LMTK2: variants seen among roughly 807,000 people sequenced by gnomAD.
LMTK2 encodes lemur tail kinase 2.
LMTK2 carries 37 observed loss-of-function variants against 127.5 expected under a neutral mutation model. The ratio of observed to expected loss-of-function variants is 0.29; its 90% CI spans 0.22 to 0.38. LMTK2 has a LOEUF of 0.38. Ranked by LOEUF, LMTK2 falls within the 10% of genes least tolerant of loss-of-function variation. The pLI is 1.00. For missense variants in LMTK2, 1,694 were observed against 1,920.3 expected (o/e 0.88, Z 2.20); for synonymous variants, 819 against 810.1 (o/e 1.01, Z -0.19).
intron 9 of LMTK2, among the ~76,000 whole-genome samples, 179 bp from the exon 10 acceptor site, chr7:98,190,549 T>C (rs1372193799): frequency 6.6e-6 from 1 of 152,164 alleles, no homozygotes; most frequent in East Asian, 1.9e-4. Flanking sequence ...ACCATTGCAC[T>C]CCAGCCTGGG....
At chr7:98,145,466 T>C (rs1458651927) in intron 3 of LMTK2, among the ~76,000 whole-genome samples, 1 of 152,184 alleles carries the variant, frequency 6.6e-6, no homozygotes, top group Non-Finnish European at 1.5e-5. Flanking sequence ...TTTTAAAAAA[T>C]ATTTTAAGCT....
At chr7:98,148,755 G>C (rs1003822711) in intron 3 of LMTK2, among the ~76,000 whole-genome samples, 3 of 152,178 alleles carry the variant, frequency 2.0e-5, no homozygotes, top group African/African-American at 4.8e-5. Context: ...TGACTCTGCT[G>C]GGGCACTCCT....
At chr7:98,111,401 T>C (rs959211840) in intron 1 of LMTK2, among the ~76,000 whole-genome samples, 2 of 152,244 alleles carry the variant, frequency 1.3e-5, no homozygotes, top group Non-Finnish European at 2.9e-5. Flanking sequence ...AATGGACATA[T>C]AGAAATAATC....
rs760284569 is a variant in LMTK2, at chr7:98,185,092, A to G, written c.833A>G (p.Asn278Ser). The G allele has an allele frequency of 3.7e-6, 6 of 1,612,752 alleles. No individual in the cohort carries two copies. The East Asian group carries it at 1.3e-4, about 36-fold the overall frequency. The change falls in exon 8 of 14, where the codon AAT becomes AGT. Residue 278 changes from asparagine to serine, a missense_variant. Around this residue, in one of 8 missense-constraint regions of LMTK2, gnomAD observed 47 missense variants for 95.4 expected, o/e 0.49. Transcript: ENST00000297293. ...AATTGTTTTCTCACCTCCGACTTAAATGTGAAAGTGGGAGATTACGGAATA... is the reference window on the plus strand; with the variant it reads ...AATTGTTTTCTCACCTCCGACTTAAGTGTGAAAGTGGGAGATTACGGAATA... ...LRNCFLTSDL[N>S]VKVGDYGIGF... is the part of the protein sequence containing the mutation.
chr7:98,192,172 A>T lies in LMTK2; in HGVS notation c.1707A>T (p.Pro569=). The T allele has an allele frequency of 1.3e-6, 2 of 1,527,408 alleles. No homozygotes were observed. The highest frequency in any genetic ancestry group is 1.8e-6 in the Non-Finnish European group (2 of 1,140,698). 94.6% of individuals were successfully genotyped at this position (1,527,408 alleles called of 1,614,324 possible). Residue 569 remains proline (P), a synonymous_variant, in exon 11 of 14, where the codon CCA becomes CCT. Coordinates refer to ENST00000297293, the MANE Select transcript of LMTK2 (RefSeq NM_014916.4). ...GTAACTTGGAGCTTGATTACCCACC[A>T]GCGCTGCTCACAACCGACATGGATA... ...SGSNLELDYP[P]ALLTTDMDNP...
intron 11 of LMTK2, among the ~76,000 whole-genome samples, chr7:98,198,458 G>A (rs901337196): frequency 2.0e-5 from 3 of 152,044 alleles, no homozygotes; most frequent in Non-Finnish European, 4.4e-5. Context: ...CAGAGTGCTG[G>A]GATTACAGGC....
At position 98,171,152 on chromosome 7, in the gene LMTK2, A is replaced by G. The variant is rs2116423010; in HGVS notation, c.658-389A>G. ...ACGGCGCCTTCGTGATGAAGCGCTC[A>G]CTGCCCAGGGGCCGCCTGGAGTCCA... On this transcript the variant is annotated intron_variant, in intron 6 of 13. Transcript: ENST00000297293. This position sits in a 1 kb window ranked among gnomAD's most constrained non-coding sequence, Gnocchi z 5.1. 6.6e-6 allele frequency among the ~76,000 whole-genome samples: 1 copy of G among 152,262 alleles called. No individual in the cohort carries two copies. The highest frequency in any genetic ancestry group is 1.9e-4 in the East Asian group (1 of 5,176).
intron 1 of LMTK2, among the ~76,000 whole-genome samples, chr7:98,107,606 T>A (rs1227177884): frequency 6.6e-6 from 1 of 152,214 alleles, no homozygotes; most frequent in Non-Finnish European, 1.5e-5. Context: ...AGCTTCCCTT[T>A]CCAGATGTCA....
At chr7:98,124,603 TA>T (rs1210081968) in intron 1 of LMTK2, among the ~76,000 whole-genome samples, 2 of 152,126 alleles carry the variant, frequency 1.3e-5, no homozygotes, top group African/African-American at 4.8e-5. Flanking sequence ...CTGGGCAATG[TA>T]GTAAGACCCT....
chr7:98,109,206 A>C (rs1044357559), intron 1 of LMTK2, among the ~76,000 whole-genome samples: 3 of 152,000 alleles, frequency 2.0e-5, no homozygotes, highest in Non-Finnish European at 4.4e-5. Context: ...TTACAATTTT[A>C]TGGTGTCATG....
At chr7:98,200,292 C>T (rs1247281115) in intron 11 of LMTK2, among the ~76,000 whole-genome samples, 1 of 152,134 alleles carries the variant, frequency 6.6e-6, no homozygotes, top group Non-Finnish European at 1.5e-5. Flanking sequence ...ACTGATAACT[C>T]CTCAGACAGT....
chr7:98,164,114 A>T (rs536127383), intron 6 of LMTK2, among the ~76,000 whole-genome samples: 12 of 152,372 alleles, frequency 7.9e-5, no homozygotes, highest in African/African-American at 2.9e-4. Flanking sequence ...ATGAAAGTAA[A>T]TGAAAACTCC....
At chr7:98,133,383 T>A (rs1456656653) in intron 1 of LMTK2, among the ~76,000 whole-genome samples, 1 of 152,094 alleles carries the variant, frequency 6.6e-6, no homozygotes, top group African/African-American at 2.4e-5. Context: ...GTATAGGGAT[T>A]TTATTTGTGG....
chr7:98,111,010 A>T (rs1268565863), intron 1 of LMTK2, among the ~76,000 whole-genome samples: 1 of 152,234 alleles, frequency 6.6e-6, no homozygotes, highest in Non-Finnish European at 1.5e-5. Context: ...CAGGCTTTCT[A>T]TGCAAATTAT....
At position 98,140,667 on chromosome 7, in the gene LMTK2, A is replaced by G. The variant is rs569274226; in HGVS notation, c.232-730A>G. ...TGAGTCTTTCAACATTTATTTTGAT[A>G]GAAATCACATTTCAATTAGAAATGC... On this transcript the variant is annotated intron_variant, in intron 2 of 13. Coordinates refer to ENST00000297293, the MANE Select transcript of LMTK2 (RefSeq NM_014916.4). Among the ~76,000 whole-genome samples the G allele has an allele frequency of 4.5e-4, 69 of 152,342 alleles. No individual in the cohort carries two copies. In the South Asian group the frequency reaches 0.01, roughly 22 times the overall value.
intron 6 of LMTK2, among the ~76,000 whole-genome samples, chr7:98,164,088 T>C (rs1372100459): frequency 6.6e-6 from 1 of 152,240 alleles, no homozygotes; most frequent in Non-Finnish European, 1.5e-5. Flanking sequence ...AAAAGGCACT[T>C]AATCATGGAA....
intron 6 of LMTK2, among the ~76,000 whole-genome samples, chr7:98,160,270 T>A (rs1302468693): frequency 6.6e-6 from 1 of 152,244 alleles, no homozygotes; most frequent in Non-Finnish European, 1.5e-5. Context: ...ATTCAAATAA[T>A]ATTTTCATCT....
At chr7:98,181,722 G>A (rs763994642) in intron 7 of LMTK2, among the ~76,000 whole-genome samples, 3 of 152,210 alleles carry the variant, frequency 2.0e-5, no homozygotes, top group Non-Finnish European at 1.5e-5. Context: ...GCAGTGGCAC[G>A]ATCTCAGCTC....
rs372255238 is a variant in LMTK2 at position 98,194,164 on chromosome 7, C to T, written c.3699C>T (p.Asn1233=). 7 of 1,614,008 alleles carry T rather than the reference C, an allele frequency of 4.3e-6. No homozygotes were observed. The highest frequency in any genetic ancestry group is 5.9e-6 in the Non-Finnish European group (7 of 1,180,016). ...TCGCTTCCACGGGGACCAACACGAA[C>T]GAACTCCTTGCCTACACCAATTCTG... ...CTLASTGTNT[N]ELLAYTNSAL... Residue 1233 remains asparagine, a synonymous_variant, in exon 11 of 14, where the codon AAC becomes AAT. Transcript: ENST00000297293. The surrounding 1 kb of genome is among the most constrained non-coding windows in gnomAD (Gnocchi z 5.4).
Sources: allele counts gnomAD v4.1 joint callset (sites outside exome capture counted in the v4.1 genomes callset), GRCh38; gene constraint gnomAD v4.1.1; regional missense constraint gnomAD v4.1.1; non-coding constraint Gnocchi (gnomAD v3.1); transcripts MANE v1.5; gene names NCBI Gene and HGNC (gene_info 2026-07-23, HGNC 2026-07-21).